Variants in BAZ2A observed in about 807,000 individuals in gnomAD.
The protein encoded by BAZ2A is bromodomain adjacent to zinc finger domain 2A.
In BAZ2A, 34 loss-of-function variants were observed where a neutral mutation model predicts 199.9. That is an observed-to-expected ratio of 0.17 (90% confidence interval 0.13 to 0.23). The LOEUF (loss-of-function observed/expected upper bound fraction) is 0.23, where lower values mean the gene tolerates loss of function less well. Ranked by LOEUF, BAZ2A falls within the 10% of genes least tolerant of loss-of-function variation. BAZ2A has a pLI of 1.00. For synonymous variants in BAZ2A, 857 were observed against 883.9 expected (o/e 0.97, Z 0.54); for missense variants, 2,002 against 2,391.1 (o/e 0.84, Z 3.39).
At chr12:56,615,717 G>C in intron 2 of BAZ2A, 110 bp from the exon 3 acceptor site, 1 of 898,004 alleles carries the variant, frequency 1.1e-6, no homozygotes, top group Non-Finnish European at 1.6e-6. Flanking sequence ...TAAAGGGAAG[G>C]GGGATTCCTC....
chr12:56,599,168 A>T lies in BAZ2A; in HGVS notation c.5363T>A (p.Leu1788His). Reference protein sequence around the residue: ...EGLSPSKRRRLSMRNHHSDLT... With the variant: ...EGLSPSKRRRHSMRNHHSDLT... ...ATCACTGTGGTGGTTCCGCATAGAG[A>T]GTCGCCGCCGCTTGGAGGGGGAGAG... Residue 1788 changes from leucine (L) to histidine (H), a missense_variant, in exon 27 of 29, where the codon CTC becomes CAC. Physicochemically the swap from Leu to His is moderately conservative, Grantham distance 99. This residue lies in a region of BAZ2A where 122 missense variants were observed against 123.0 expected (regional missense o/e 0.99). Transcript: ENST00000549884. 1 of 1,612,830 alleles carries T rather than the reference A, an allele frequency of 6.2e-7. No homozygotes were observed. Among genetic ancestry groups the T allele is most frequent in the Non-Finnish European group, 8.5e-7 (1 of 1,179,506 alleles).
Position 56,611,882 on chromosome 12 carries a change from T to C in BAZ2A, c.1500A>G (p.Ala500=). The change falls in exon 6 of 29, where the codon GCA becomes GCG. Residue 500 remains alanine, a synonymous_variant. Coordinates refer to ENST00000549884, the MANE Select transcript of BAZ2A (RefSeq NM_001300905.2). The stretch of plus-strand genomic sequence containing the variant: ...CTGGGGAGGCTGTTGGAAAGGCAGC[T>C]GCTGGGGAAGTTACGGGAGAGGCTT... The part of the protein sequence containing the change: ...SPKASPVTSP[A]AAFPTASPAN... 3 of 1,605,780 alleles carry C rather than the reference T, an allele frequency of 1.9e-6. No individual in the cohort carries two copies. Among genetic ancestry groups the C allele is most frequent in the Non-Finnish European group, 2.6e-6 (3 of 1,174,992 alleles).
intron 1 of BAZ2A, among the ~76,000 whole-genome samples, chr12:56,625,821 A>G (rs976595631): frequency 3.6e-5 from 5 of 139,922 alleles, no homozygotes; most frequent in African/African-American, 8.1e-5. Flanking sequence ...GCTTGCAGTG[A>G]GTCGAGATCG....
intron 1 of BAZ2A, 108 bp from the exon 2 acceptor site, chr12:56,617,640 C>T (rs1950766233): frequency 8.0e-7 from 1 of 1,245,354 alleles, no homozygotes; most frequent in Non-Finnish European, 1.1e-6. Flanking sequence ...ACTTACCCTT[C>T]TCCTACCTAA....
chr12:56,634,423 C>T (rs1384233134), upstream of BAZ2A, among the ~76,000 whole-genome samples: 3 of 152,138 alleles, frequency 2.0e-5, no homozygotes, highest in African/African-American at 7.2e-5. Flanking sequence ...AGGTTGGACC[C>T]CAAGCTCCCG....
intron 10 of BAZ2A, among the ~76,000 whole-genome samples, chr12:56,608,371 CAA>C (rs1312218418): frequency 5.5e-5 from 5 of 90,596 alleles, no homozygotes; most frequent in Non-Finnish European, 2.3e-5. Context: ...GACTCTGTCT[CAA>C]AAAAAAAAAA....
chr12:56,613,199 G>T lies in BAZ2A; in HGVS notation c.951C>A (p.Asp317Glu). The change falls in exon 5 of 29, where the codon GAC (aspartate) becomes GAA (glutamate). Residue 317 changes from aspartate to glutamate, a missense_variant. By Grantham distance (45) the Asp-to-Glu change is conservative. Coordinates refer to ENST00000549884, the MANE Select transcript of BAZ2A (RefSeq NM_001300905.2). ...PVSGGLYGID[D>E]TELMGAEDKL... ...TGTCCTCTGCACCCATCAGCTCCGT[G>T]TCATCAATACCATATAGTCCTCCAC... The T allele has an allele frequency of 6.2e-7, 1 of 1,613,990 alleles. No individual in the cohort carries two copies. Among genetic ancestry groups the T allele is most frequent in the East Asian group, 2.2e-5 (1 of 44,886 alleles).
upstream of BAZ2A, among the ~76,000 whole-genome samples, chr12:56,633,809 C>G (rs1377697124): frequency 6.6e-6 from 1 of 152,194 alleles, no homozygotes; most frequent in African/African-American, 2.4e-5. Flanking sequence ...GTGATCTCAG[C>G]TCGCTGCAAC....
At position 56,611,211 on chromosome 12, in the gene BAZ2A, A is replaced by G. The variant is rs191941370; in HGVS notation, c.1670+362T>C. 1.9e-5 allele frequency: 6 copies of G among 309,386 alleles called. No homozygotes were observed. The Admixed American group carries it at 2.9e-4, about 15-fold the overall frequency. 19.2% of individuals were successfully genotyped at this position (309,386 alleles called of 1,614,324 possible). ...GCATTAAAACAACAAAACCACCTCA[A>G]TTCATTAGTACTAAGTCACTCCTCA... On this transcript the variant is annotated intron_variant, in intron 7 of 28. Coordinates refer to ENST00000549884, the MANE Select transcript of BAZ2A (RefSeq NM_001300905.2).
In BAZ2A at chr12:56,600,079, G is replaced by C; in HGVS notation, c.4910C>G (p.Pro1637Arg). The C allele has an allele frequency of 1.2e-6, 2 of 1,614,086 alleles. No individual in the cohort carries two copies. The highest frequency in any genetic ancestry group is 2.2e-5 in the East Asian group (1 of 44,886). The change falls in exon 25 of 29, where the codon CCT becomes CGT. Residue 1637 changes from proline (P) to arginine (R), a missense_variant. Pro to Arg is a moderately radical substitution (Grantham distance 103). Around this residue, in one of 6 missense-constraint regions of BAZ2A, gnomAD observed 1,081 missense variants for 1,274.7 expected, o/e 0.85. Coordinates refer to ENST00000549884, the MANE Select transcript of BAZ2A (RefSeq NM_001300905.2). ...TTTEISYEIT[P>R]RIRVWRQTLE... Reference sequence around the variant, plus strand: ...GGTCTGGCGCCAGACACGAATGCGAGGGGTGATCTCATATGATCTGGAGGG... The same window carrying C: ...GGTCTGGCGCCAGACACGAATGCGACGGGTGATCTCATATGATCTGGAGGG...
intron 7 of BAZ2A, among the ~76,000 whole-genome samples, chr12:56,610,992 T>C (rs1950541891): frequency 6.6e-6 from 1 of 152,174 alleles, no homozygotes; most frequent in Non-Finnish European, 1.5e-5. Flanking sequence ...ACAAAGTTAG[T>C]CAGAGTTAGT....
intron 1 of BAZ2A, among the ~76,000 whole-genome samples, chr12:56,629,230 T>TA (rs994967230): frequency 2.6e-5 from 4 of 152,112 alleles, no homozygotes; most frequent in Non-Finnish European, 2.9e-5. Flanking sequence ...TGTGTACAGA[T>TA]AGAGGTGGAA....
chr12:56,610,618 T>C, intron 7 of BAZ2A, 101 bp from the exon 8 acceptor site: 1 of 1,003,172 alleles, frequency 1.0e-6, no homozygotes, highest in South Asian at 1.4e-5. Flanking sequence ...CTCCCCACAT[T>C]TGTATCTCTA....
intron 1 of BAZ2A, chr12:56,621,355 T>C (rs1565832481): frequency 1.6e-5 from 12 of 766,492 alleles, no homozygotes; most frequent in South Asian, 6.0e-5. Context: ...TTATTTAGTA[T>C]GTGAGATCAG....
In BAZ2A at chr12:56,635,737, A is replaced by C. The variant is rs556276599; in HGVS notation, c.4+445T>G. On this transcript the variant is annotated intron_variant, in intron 1 of 29. Coordinates refer to the BAZ2A transcript ENST00000379441. The surrounding 1 kb of genome is among the most constrained non-coding windows in gnomAD (Gnocchi z 4.1). ...GCAGCCCCCACCTGAAGGTGGGTCA[A>C]GGTGGGGGAGGAGAGAAGACAGACT... is the stretch of plus-strand genomic sequence containing the variant. Among the ~76,000 whole-genome samples the C allele has an allele frequency of 9.9e-5, 15 of 152,240 alleles. 1 individual carries two copies. The South Asian group carries it at 1.0e-3, about 11-fold the overall frequency.
chr12:56,605,152 C>A lies in BAZ2A; in HGVS notation c.2669G>T (p.Ser890Ile). 1 of 1,613,914 alleles carries A rather than the reference C, an allele frequency of 6.2e-7. No homozygotes were observed. Residue 890 changes from serine (S) to isoleucine (I), a missense_variant, in exon 14 of 29, where the codon AGC (serine) becomes ATC (isoleucine). By Grantham distance (142) the Ser-to-Ile change is moderately radical. Coordinates refer to ENST00000549884, the MANE Select transcript of BAZ2A (RefSeq NM_001300905.2). ...LQEGLLCQGD[S>I]LGEVQDLLVR... is the part of the protein sequence containing the mutation. ...CAGCAGGTCTTGCACCTCACCCAAG[C>A]TGTCACCTTGACACAGGAGTCCCTC...
In BAZ2A at chr12:56,604,758, C is replaced by A. The variant is rs1409009439; in HGVS notation, c.2790G>T (p.Leu930=). The change falls in exon 15 of 29, where the codon CTG becomes CTT. Residue 930 remains leucine, a synonymous_variant. Coordinates refer to ENST00000549884, the MANE Select transcript of BAZ2A (RefSeq NM_001300905.2). ...GGATCTCTGACACATTGTCTCTTGT[C>A]AGTGGGATCTCAGACACCTTCTCCC... ...ILGEKVSEIP[L]TRDNVSEILR... 2 of 1,613,738 alleles carry A rather than the reference C, an allele frequency of 1.2e-6. No individual in the cohort carries two copies. The highest frequency in any genetic ancestry group is 1.7e-6 in the Non-Finnish European group (2 of 1,179,898).
At chr12:56,627,101 G>A (rs936203250) in intron 1 of BAZ2A, among the ~76,000 whole-genome samples, 12 of 152,186 alleles carry the variant, frequency 7.9e-5, no homozygotes, top group African/African-American at 2.9e-4. Flanking sequence ...CATCTAGGTG[G>A]GAGGGGTTTT....
chr12:56,604,829 G>C (rs927839977), intron 14 of BAZ2A, 30 bp from the exon 15 acceptor site: 1 of 1,601,918 alleles, frequency 6.2e-7, no homozygotes. Context: ...ATGGGGGTGA[G>C]TAGGGAAAGA....
Sources: gnomAD v4.1 joint callset for allele counts (sites outside exome capture counted in the v4.1 genomes callset) on GRCh38, gnomAD v4.1.1 for gene constraint, gnomAD v4.1.1 regional missense constraint, Gnocchi (gnomAD v3.1) non-coding constraint, MANE v1.5 for transcripts, NCBI Gene and HGNC (gene_info 2026-07-23, HGNC 2026-07-21) for gene names.